The following ADAM2 variants were observed in gnomAD, a reference collection of about 807,000 sequenced individuals.
ADAM2 encodes the protein ADAM metallopeptidase domain 2.
A neutral mutation model predicts 99.3 loss-of-function variants in ADAM2; 101 were observed. The observed-to-expected ratio is 1.02, with a 90% confidence interval of 0.87 to 1.20. ADAM2 has a LOEUF of 1.20. ADAM2 is among the 50% of genes most tolerant of loss of function. ADAM2 has a pLI of 0.00. For synonymous variants in ADAM2, 323 were observed against 287.6 expected (o/e 1.12, Z -1.25); for missense variants, 948 against 878.7 (o/e 1.08, Z -1.00).
In ADAM2 at chr8:39,745,760, A is replaced by T. The variant is rs542064365; in HGVS notation, c.2174+712T>A. ...GGTTTTCCTACTACCTTTCATTAAA[A>T]TAGCATAAAAATTCACTAAGATATA... On this transcript the variant is annotated intron_variant, in intron 19 of 20. Coordinates refer to ENST00000265708, the MANE Select transcript of ADAM2 (RefSeq NM_001464.5). Among the ~76,000 whole-genome samples the T allele has an allele frequency of 2.3e-4, 35 of 152,208 alleles. No individual in the cohort carries two copies. In the East Asian group the frequency reaches 6.8e-3, roughly 29 times the overall value.
chr8:39,832,100 T>G (rs1805642096), intron 3 of ADAM2, among the ~76,000 whole-genome samples: 1 of 152,136 alleles, frequency 6.6e-6, no homozygotes, highest in African/African-American at 2.4e-5. Context: ...ACTCTAAATA[T>G]CCTACTAATC....
intron 6 of ADAM2, among the ~76,000 whole-genome samples, chr8:39,811,378 A>C (rs919641219): frequency 1.3e-5 from 2 of 152,310 alleles, no homozygotes; most frequent in East Asian, 3.9e-4. Flanking sequence ...TTCCTTCTGA[A>C]ACTATTCCAA....
chr8:39,826,411 G>A (rs1006412432), intron 3 of ADAM2, among the ~76,000 whole-genome samples: 7 of 152,050 alleles, frequency 4.6e-5, no homozygotes, highest in Non-Finnish European at 7.4e-5. Flanking sequence ...AAATTGCATC[G>A]TTTCACACAC....
intron 10 of ADAM2, among the ~76,000 whole-genome samples, chr8:39,786,433 T>C (rs1158427711): frequency 6.6e-6 from 1 of 152,132 alleles, no homozygotes; most frequent in Admixed American, 6.6e-5. Context: ...AAAAGGCAAG[T>C]TCTGTTTGTC....
Position 39,755,821 on chromosome 8 carries a change from A to G in ADAM2, c.1704T>C (p.Ser568=), listed in dbSNP as rs375877414. ...ATTCCACAGCAATGCAGAGATGTCC[A>G]CTTATGTTGGCATAAATAATAGTGG... is the stretch of plus-strand genomic sequence containing the variant. The part of the protein sequence containing the change: ...PRATIIYANI[S]GHLCIAVEFA... The change falls in exon 16 of 21, where the codon AGT becomes AGC. Residue 568 remains serine (S), a synonymous_variant. Transcript: ENST00000265708. The G allele has an allele frequency of 2.7e-5, 44 of 1,609,966 alleles. No homozygotes were observed. The highest frequency in any genetic ancestry group is 3.7e-5 in the Non-Finnish European group (43 of 1,176,580).
chr8:39,766,225 T>G (rs1050965616), intron 14 of ADAM2, among the ~76,000 whole-genome samples: 1 of 152,156 alleles, frequency 6.6e-6, no homozygotes, highest in Non-Finnish European at 1.5e-5. Flanking sequence ...GTCATATTAC[T>G]TATTCCATAT....
intron 7 of ADAM2, among the ~76,000 whole-genome samples, chr8:39,805,829 T>G (rs991132177): frequency 6.6e-6 from 1 of 152,154 alleles, no homozygotes; most frequent in Non-Finnish European, 1.5e-5. Context: ...CATCTAAACA[T>G]AGATTGTGAA....
In ADAM2 at chr8:39,780,927, G is replaced by C. The variant is rs111420921; in HGVS notation, c.892-3766C>G. ...CAAATAATCTTTGCCTTTTACAGTT[G>C]AAACTAAAACATTGTTATCTCTTTC... is the stretch of plus-strand genomic sequence containing the variant. On this transcript the variant is annotated intron_variant, in intron 10 of 20. Coordinates refer to ENST00000265708, the MANE Select transcript of ADAM2 (RefSeq NM_001464.5). Among the ~76,000 whole-genome samples, 605 of 151,744 alleles carry C rather than the reference G, an allele frequency of 4.0e-3. 3 individuals carry two copies. Among genetic ancestry groups the C allele is most frequent in the African/African-American group, 0.014 (574 of 41,380 alleles).
chr8:39,768,605 T>C (rs1448081159), intron 12 of ADAM2, among the ~76,000 whole-genome samples: 1 of 152,180 alleles, frequency 6.6e-6, no homozygotes, highest in African/African-American at 2.4e-5. Context: ...CTCCCTAGGT[T>C]TTCTGGCTCC....
chr8:39,794,538 C>A (rs772021198), intron 7 of ADAM2, among the ~76,000 whole-genome samples: 5 of 152,094 alleles, frequency 3.3e-5, no homozygotes, highest in African/African-American at 9.7e-5. Context: ...AGGAAGACAG[C>A]CTGGCACCGC....
At chr8:39,806,641 A>C (rs1202936846) in intron 7 of ADAM2, among the ~76,000 whole-genome samples, 3 of 151,914 alleles carry the variant, frequency 2.0e-5, no homozygotes, top group Non-Finnish European at 2.9e-5. Context: ...TCCAAGCAAA[A>C]TGTTAGAGCA....
chr8:39,750,014 G>C (rs1388310632), intron 16 of ADAM2, among the ~76,000 whole-genome samples: 3 of 151,878 alleles, frequency 2.0e-5, no homozygotes, highest in African/African-American at 7.3e-5. Context: ...TATGAAATGA[G>C]TAAAACACAA....
chr8:39,807,576 G>T (rs1644900341), intron 7 of ADAM2, among the ~76,000 whole-genome samples: 1 of 152,090 alleles, frequency 6.6e-6, no homozygotes, highest in Non-Finnish European at 1.5e-5. Flanking sequence ...AGGTCATAGG[G>T]GTGGGCCCCT....
rs865998881 is a variant in ADAM2 at position 39,824,850 on chromosome 8, C to T, written c.236G>A (p.Gly79Glu). 6.3e-7 allele frequency: 1 copy of T among 1,578,642 alleles called. No individual in the cohort carries two copies. Among genetic ancestry groups the T allele is most frequent in the Admixed American group, 1.7e-5 (1 of 57,420 alleles). ...NFRVYSYSGT[G>E]IMKPLDQDFQ... ...ATCTTGGTCAAGTGGTTTCATAATT[C>T]CTGTGCCACTATAACTGTAAACTCT... Residue 79 changes from glycine to glutamate, a missense_variant, in exon 4 of 21, where the codon GGA becomes GAA. Physicochemically the swap from Gly to Glu is moderately conservative, Grantham distance 98. Transcript: ENST00000265708.
chr8:39,777,143 G>T lies in ADAM2; in HGVS notation c.910C>A (p.Leu304Met). Residue 304 changes from leucine (L) to methionine (M), a missense_variant, in exon 11 of 21, where the codon CTG becomes ATG. Transcript: ENST00000265708. ...GVVLHPRTIS[L>M]ESLAVILAQL... ...GCTAAAATAACTGCAAGTGATTCCA[G>T]ACTTATGGTTCTGGGGTGCTGAGAA... 6.2e-7 allele frequency: 1 copy of T among 1,611,272 alleles called. No homozygotes were observed. Among genetic ancestry groups the T allele is most frequent in the South Asian group, 1.1e-5 (1 of 90,766 alleles).
chr8:39,797,008 C>T (rs180802883), intron 7 of ADAM2, among the ~76,000 whole-genome samples: 256 of 152,228 alleles, frequency 1.7e-3, no homozygotes, highest in African/African-American at 5.8e-3. Context: ...TGCCTGTTCA[C>T]TCTGATGATA....
intron 11 of ADAM2, among the ~76,000 whole-genome samples, chr8:39,772,020 T>A (rs1802802338): frequency 6.6e-6 from 1 of 150,590 alleles, no homozygotes; most frequent in African/African-American, 2.5e-5. Flanking sequence ...ATGGTGCATG[T>A]ATACATATGT....
At chr8:39,757,349 C>T (rs1802188764) in intron 15 of ADAM2, among the ~76,000 whole-genome samples, 1 of 152,102 alleles carries the variant, frequency 6.6e-6, no homozygotes, top group African/African-American at 2.4e-5. Context: ...AAGGAAAGGA[C>T]TATATAACTG....
intron 7 of ADAM2, among the ~76,000 whole-genome samples, chr8:39,790,339 C>T (rs999068103): frequency 2.0e-5 from 3 of 151,818 alleles, no homozygotes; most frequent in African/African-American, 7.3e-5. Flanking sequence ...GGCTATTTTA[C>T]AGTAAGAAGA....
Sources: allele counts gnomAD v4.1 joint callset (sites outside exome capture counted in the v4.1 genomes callset), GRCh38; gene constraint gnomAD v4.1.1; transcripts MANE v1.5; gene names NCBI Gene and HGNC (gene_info 2026-07-23, HGNC 2026-07-21).